CSNK2A2IP: variants seen among roughly 807,000 people sequenced by gnomAD.
CSNK2A2IP encodes casein kinase II subunit alpha'-interacting protein.
the CSNK2A2IP span, among the ~76,000 whole-genome samples, chr3:88,355,817 T>C: frequency 1.3e-5 from 2 of 152,132 alleles, no homozygotes; most frequent in South Asian, 2.1e-4. Context: ...TGTGGGCAAA[T>C]GGTCTGTTTG....
the CSNK2A2IP span, among the ~76,000 whole-genome samples, chr3:88,400,538 A>G: frequency 6.6e-6 from 1 of 152,188 alleles, no homozygotes; most frequent in African/African-American, 2.4e-5. Context: ...ATCATAGTGG[A>G]CCTAATCTAA....
At chr3:88,443,411 T>G in the CSNK2A2IP span, among the ~76,000 whole-genome samples, 1 of 151,816 alleles carries the variant, frequency 6.6e-6, no homozygotes, top group Non-Finnish European at 1.5e-5. Flanking sequence ...GGAGTGCAAA[T>G]TGAGAAAAGA....
the CSNK2A2IP span, among the ~76,000 whole-genome samples, chr3:88,460,451 A>T: frequency 2.0e-5 from 3 of 151,468 alleles, no homozygotes; most frequent in Admixed American, 2.0e-4. Flanking sequence ...CCCCCACCTC[A>T]CTCTCCAACT....
chr3:88,406,686 G>T, the CSNK2A2IP span, among the ~76,000 whole-genome samples: 3 of 152,120 alleles, frequency 2.0e-5, no homozygotes, highest in African/African-American at 4.8e-5. Flanking sequence ...AAATAAAATT[G>T]TGTATCTTTC....
chr3:88,347,407 T>C, the CSNK2A2IP span, among the ~76,000 whole-genome samples: 1 of 151,988 alleles, frequency 6.6e-6, no homozygotes, highest in African/African-American at 2.4e-5. Context: ...AACTTTACTG[T>C]TTGCCTTATT....
the CSNK2A2IP span, chr3:88,382,595 C>T: frequency 6.6e-6 from 1 of 152,176 alleles, no homozygotes; most frequent in Non-Finnish European, 1.5e-5. Context: ...GCCTCCTTAG[C>T]AGCTTCTTTT....
the CSNK2A2IP span, among the ~76,000 whole-genome samples, chr3:88,439,426 T>C: frequency 6.6e-6 from 1 of 152,064 alleles, no homozygotes; most frequent in African/African-American, 2.4e-5. Flanking sequence ...TTGGTTTGGT[T>C]TCAGTTTAGT....
At chr3:88,354,298 T>C in the CSNK2A2IP span, among the ~76,000 whole-genome samples, 2 of 152,104 alleles carry the variant, frequency 1.3e-5, no homozygotes, top group Non-Finnish European at 2.9e-5. Flanking sequence ...TGGGTAAGAG[T>C]GCTATTATCT....
the CSNK2A2IP span, among the ~76,000 whole-genome samples, chr3:88,340,258 A>T: frequency 1.3e-5 from 2 of 151,896 alleles, no homozygotes; most frequent in Non-Finnish European, 2.9e-5. Flanking sequence ...TAGGAGCATG[A>T]TTAAATTGGT....
chr3:88,443,448 A>G, the CSNK2A2IP span, among the ~76,000 whole-genome samples: 1 of 152,168 alleles, frequency 6.6e-6, no homozygotes, highest in African/African-American at 2.4e-5. Context: ...TCAAAGAGAA[A>G]AGGTCAGGCA....
At chr3:88,421,714 G>A in the CSNK2A2IP span, among the ~76,000 whole-genome samples, 1 of 152,066 alleles carries the variant, frequency 6.6e-6, no homozygotes, top group Non-Finnish European at 1.5e-5. Context: ...ACCGTGCCTG[G>A]CCTTGTAGTA....
chr3:88,389,532 A>C, the CSNK2A2IP span, among the ~76,000 whole-genome samples: 1 of 152,186 alleles, frequency 6.6e-6, no homozygotes, highest in Non-Finnish European at 1.5e-5. Context: ...CCTTGTTGAT[A>C]TAGGAAATGA....
chr3:88,409,844 G>A, the CSNK2A2IP span, among the ~76,000 whole-genome samples: 2 of 151,970 alleles, frequency 1.3e-5, no homozygotes, highest in Non-Finnish European at 2.9e-5. Flanking sequence ...TTGGTGACTT[G>A]TAAAATGAAA....
At chr3:88,413,232 GA>G in the CSNK2A2IP span, among the ~76,000 whole-genome samples, 1 of 151,838 alleles carries the variant, frequency 6.6e-6, no homozygotes, top group Admixed American at 6.6e-5. Flanking sequence ...ATCTAATGTT[GA>G]AAAAACATCA....
chr3:88,377,441 T>C, the CSNK2A2IP span, among the ~76,000 whole-genome samples: 9 of 151,994 alleles, frequency 5.9e-5, no homozygotes, highest in East Asian at 1.2e-3. Flanking sequence ...TCAGTACTGC[T>C]ATGTTCAGAC....
the CSNK2A2IP span, among the ~76,000 whole-genome samples, chr3:88,351,121 G>A: frequency 3.9e-5 from 6 of 152,110 alleles, no homozygotes; most frequent in African/African-American, 1.4e-4. Flanking sequence ...TCTAATATTA[G>A]AAAATGAAGA....
At chr3:88,425,794 C>T in the CSNK2A2IP span, among the ~76,000 whole-genome samples, 1 of 151,828 alleles carries the variant, frequency 6.6e-6, no homozygotes, top group Non-Finnish European at 1.5e-5. Flanking sequence ...TGTGCTTTTC[C>T]ACCAAGATTA....
the CSNK2A2IP span, chr3:88,466,487 A>C: frequency 4.9e-6 from 6 of 1,231,980 alleles, no homozygotes; most frequent in East Asian, 1.9e-4. Flanking sequence ...TCAAGCTCCA[A>C]ACACTGCACC....
chr3:88,352,254 G>A, the CSNK2A2IP span, among the ~76,000 whole-genome samples: 4 of 152,036 alleles, frequency 2.6e-5, no homozygotes, highest in East Asian at 7.7e-4. Context: ...AATACATGCA[G>A]ACATAAAACT....
Sources: allele counts gnomAD v4.1 joint callset (sites outside exome capture counted in the v4.1 genomes callset), GRCh38; gene constraint gnomAD v4.1.1; transcripts MANE v1.5; gene names NCBI Gene and HGNC (gene_info 2026-07-23, HGNC 2026-07-21).